The following DLGAP1 variants were observed in gnomAD, a reference collection of about 807,000 sequenced individuals.
The protein encoded by DLGAP1 is DLG associated protein 1.
Under a neutral mutation model 90.8 loss-of-function variants are expected in DLGAP1, and 11 were observed. That is an observed-to-expected ratio of 0.12 (90% CI 0.08 to 0.20). The LOEUF (loss-of-function observed/expected upper bound fraction) is 0.20, where lower values mean the gene tolerates loss of function less well. DLGAP1 is among the 10% of genes least tolerant of loss of function. The pLI is 1.00. For missense variants in DLGAP1, 1,050 were observed against 1,333.8 expected (o/e 0.79, Z 3.31); for synonymous variants, 558 against 540.7 (o/e 1.03, Z -0.44).
At chr18:3,548,404 C>G (rs966007276) in intron 9 of DLGAP1, among the ~76,000 whole-genome samples, 15 of 147,828 alleles carry the variant, frequency 1.0e-4, no homozygotes, top group Non-Finnish European at 2.2e-4. Context: ...TAATCCTCAA[C>G]AAACTAGGAA....
intron 1 of DLGAP1, among the ~76,000 whole-genome samples, chr18:4,302,697 T>C (rs1450652203): frequency 6.6e-6 from 1 of 152,112 alleles, no homozygotes; most frequent in Non-Finnish European, 1.5e-5. Flanking sequence ...CTTGGCTTAT[T>C]TGGGAATTTT....
intron 2 of DLGAP1, among the ~76,000 whole-genome samples, chr18:4,089,751 C>T (rs867985940): frequency 5.9e-5 from 9 of 152,210 alleles, no homozygotes; most frequent in East Asian, 5.8e-4. Context: ...AAATTGAAAC[C>T]GGACCTCTTC....
chr18:3,630,172 C>G (rs1477746392), intron 7 of DLGAP1, among the ~76,000 whole-genome samples: 1 of 152,152 alleles, frequency 6.6e-6, no homozygotes, highest in East Asian at 1.9e-4. Context: ...GCAGATTGCT[C>G]TCCCCAGTGT....
intron 1 of DLGAP1, among the ~76,000 whole-genome samples, chr18:4,243,452 C>G (rs2078588006): frequency 6.6e-6 from 1 of 152,132 alleles, no homozygotes; most frequent in Non-Finnish European, 1.5e-5. Flanking sequence ...CTCTGCATTT[C>G]TGGGGCTTTA....
At chr18:4,130,351 A>C (rs531681481) in intron 2 of DLGAP1, among the ~76,000 whole-genome samples, 1 of 152,318 alleles carries the variant, frequency 6.6e-6, no homozygotes, top group Admixed American at 6.5e-5. Flanking sequence ...TAGTACCTGG[A>C]ATAGTGATTA....
At chr18:3,511,804 C>T (rs1352046689) in intron 10 of DLGAP1, among the ~76,000 whole-genome samples, 1 of 152,204 alleles carries the variant, frequency 6.6e-6, no homozygotes, top group East Asian at 1.9e-4. Flanking sequence ...ATGTTCTCCA[C>T]TCCTATCCCA....
intron 1 of DLGAP1, among the ~76,000 whole-genome samples, chr18:4,403,784 ACTCCAGTTG>A (rs1227261986): frequency 7.9e-5 from 12 of 151,994 alleles, no homozygotes; most frequent in Admixed American, 4.6e-4. Flanking sequence ...TTCTTGCCAA[ACTCCAGTTG>A]AGTGTCCATG....
intron 9 of DLGAP1, among the ~76,000 whole-genome samples, chr18:3,544,858 A>G (rs955715964): frequency 2.6e-5 from 4 of 151,644 alleles, no homozygotes; most frequent in African/African-American, 7.3e-5. Context: ...TCCTACCTCA[A>G]CCTCCTGTGT....
Position 3,847,101 on chromosome 18 carries a change from G to C in DLGAP1, c.957+32011C>G, listed in dbSNP as rs550555601. 2.6e-5 allele frequency among the ~76,000 whole-genome samples: 4 copies of C among 152,174 alleles called. No individual in the cohort carries two copies. In the East Asian group the frequency reaches 5.8e-4, roughly 22 times the overall value. Reference sequence around the variant, plus strand: ...AAGGGCTTGCATGTCTATTTTATAAGGAAGCTAGGTCAGTAAATTTCTTTT... The same window carrying C: ...AAGGGCTTGCATGTCTATTTTATAACGAAGCTAGGTCAGTAAATTTCTTTT... On this transcript the variant is annotated intron_variant, in intron 4 of 12. Transcript: ENST00000315677.
chr18:4,361,931 T>C (rs999141868), intron 1 of DLGAP1, among the ~76,000 whole-genome samples: 4 of 152,130 alleles, frequency 2.6e-5, no homozygotes, highest in African/African-American at 7.2e-5. Flanking sequence ...AGGACTTAGA[T>C]AGACATTTCT....
At chr18:4,110,888 T>C (rs575355288) in intron 2 of DLGAP1, among the ~76,000 whole-genome samples, 1 of 152,320 alleles carries the variant, frequency 6.6e-6, no homozygotes, top group South Asian at 2.1e-4. Flanking sequence ...TGACTGCCCA[T>C]CTTGCCTCAC....
At chr18:4,450,965 T>C (rs1417532924) in intron 1 of DLGAP1, among the ~76,000 whole-genome samples, 2 of 152,218 alleles carry the variant, frequency 1.3e-5, no homozygotes, top group Non-Finnish European at 2.9e-5. Context: ...GAGCCAAATA[T>C]CTGTGGATAT....
chr18:4,412,859 T>C (rs1416872019), intron 1 of DLGAP1, among the ~76,000 whole-genome samples: 1 of 152,212 alleles, frequency 6.6e-6, no homozygotes, highest in African/African-American at 2.4e-5. Context: ...GGATAATACA[T>C]GATTTGCCAA....
At chr18:3,885,640 G>A (rs565765267) in intron 3 of DLGAP1, among the ~76,000 whole-genome samples, 1 of 152,376 alleles carries the variant, frequency 6.6e-6, no homozygotes, top group African/African-American at 2.4e-5. Flanking sequence ...ATGTCTTCAT[G>A]AGGGTTTCTG....
At chr18:4,419,407 C>T (rs527658258) in intron 1 of DLGAP1, among the ~76,000 whole-genome samples, 6 of 152,060 alleles carry the variant, frequency 3.9e-5, no homozygotes, top group African/African-American at 1.4e-4. Flanking sequence ...GCAGACCTAC[C>T]CTTCAAAAAG....
At chr18:3,765,324 G>T (rs1265847468) in intron 5 of DLGAP1, among the ~76,000 whole-genome samples, 1 of 149,722 alleles carries the variant, frequency 6.7e-6, no homozygotes, top group Admixed American at 6.6e-5. Context: ...TAGAGATGGG[G>T]TTTCACCATG....
At chr18:4,191,836 T>C (rs1303793219) in intron 1 of DLGAP1, among the ~76,000 whole-genome samples, 2 of 152,170 alleles carry the variant, frequency 1.3e-5, no homozygotes, top group East Asian at 1.9e-4. Context: ...CAGTGATTTG[T>C]GTAATTACAC....
intron 2 of DLGAP1, among the ~76,000 whole-genome samples, chr18:4,053,288 C>A (rs1370309045): frequency 6.6e-6 from 1 of 152,128 alleles, no homozygotes; most frequent in Non-Finnish European, 1.5e-5. Flanking sequence ...GGGAAGAAAA[C>A]ATGTCCTTCT....
At chr18:3,592,458 G>C (rs1050962753) in intron 7 of DLGAP1, among the ~76,000 whole-genome samples, 1 of 152,208 alleles carries the variant, frequency 6.6e-6, no homozygotes, top group Non-Finnish European at 1.5e-5. Flanking sequence ...ATGAGATTCA[G>C]TCCAGACCCG....
Sources: allele counts gnomAD v4.1 joint callset (sites outside exome capture counted in the v4.1 genomes callset), GRCh38; gene constraint gnomAD v4.1.1; transcripts MANE v1.5; gene names NCBI Gene and HGNC (gene_info 2026-07-23, HGNC 2026-07-21).